AFF1: variants seen among roughly 807,000 people sequenced by gnomAD.
AFF1 encodes the protein ALF transcription elongation factor 1.
A neutral mutation model predicts 121.7 loss-of-function variants in AFF1; 48 were observed. The ratio of observed to expected loss-of-function variants is 0.39; its 90% CI spans 0.31 to 0.50. The LOEUF is 0.50. AFF1 is among the 20% of genes least tolerant of loss of function. AFF1 has a pLI of 0.76. For missense variants in AFF1, 1,523 were observed against 1,511.7 expected, an observed-to-expected ratio of 1.01 and a Z score of -0.12; for synonymous variants, 613 against 563.0, an observed-to-expected ratio of 1.09 and a Z score of -1.26.
chr4:87,036,645 T>G (rs754726173), intron 2 of AFF1: 3 of 319,582 alleles, frequency 9.4e-6, no homozygotes, highest in Non-Finnish European at 1.8e-5. Flanking sequence ...GGAAGACAAG[T>G]TCTTGTGTTT....
At chr4:86,997,828 G>A (rs1028578269) in intron 2 of AFF1, among the ~76,000 whole-genome samples, 1 of 149,934 alleles carries the variant, frequency 6.7e-6, no homozygotes, top group Non-Finnish European at 1.5e-5. Flanking sequence ...GCTGAGTGAG[G>A]CTGGGCATGG....
chr4:87,038,449 A>G (rs920572397), intron 2 of AFF1, among the ~76,000 whole-genome samples: 1 of 152,222 alleles, frequency 6.6e-6, no homozygotes, highest in Non-Finnish European at 1.5e-5. Context: ...TTTTTCATAA[A>G]GCCAATGTGT....
At chr4:87,055,644 T>C (rs1720044469) in intron 4 of AFF1, among the ~76,000 whole-genome samples, 1 of 152,214 alleles carries the variant, frequency 6.6e-6, no homozygotes, top group Non-Finnish European at 1.5e-5. Context: ...CTAGATTAAC[T>C]GTGTTTTATT....
At chr4:87,032,589 C>T (rs1419394166) in intron 2 of AFF1, among the ~76,000 whole-genome samples, 2 of 152,126 alleles carry the variant, frequency 1.3e-5, no homozygotes, top group South Asian at 4.1e-4. Context: ...TTGCTAGGAG[C>T]CTAGAAAAAA....
In AFF1 at chr4:86,966,134, TA is replaced by T. The variant is rs528848506; in HGVS notation, c.38+17565del. ...TTTCTACAGTGAGATAGTGACTTGA[TA>T]ATCTGAGAAATATGCATCTTACCCA... is the stretch of plus-strand genomic sequence containing the variant. On this transcript the variant is annotated intron_variant, in intron 2 of 20. Coordinates refer to ENST00000395146, the MANE Select transcript of AFF1 (RefSeq NM_001166693.3). Among the ~76,000 whole-genome samples the T allele has an allele frequency of 6.6e-5, 10 of 151,756 alleles. 1 individual carries two copies. The South Asian group carries it at 1.5e-3, about 22-fold the overall frequency.
intron 4 of AFF1, among the ~76,000 whole-genome samples, chr4:87,070,202 C>T (rs944743934): frequency 2.6e-5 from 4 of 152,180 alleles, no homozygotes; most frequent in African/African-American, 9.7e-5. Context: ...CGGGGTTTCA[C>T]CATGTTGGCG....
chr4:87,065,415 C>T (rs567643497), intron 4 of AFF1, among the ~76,000 whole-genome samples: 6 of 151,740 alleles, frequency 4.0e-5, no homozygotes, highest in Non-Finnish European at 8.8e-5. Flanking sequence ...GGTGGGGACA[C>T]AGCCAAATCA....
At chr4:87,075,534 C>T (rs1421757065) in intron 4 of AFF1, among the ~76,000 whole-genome samples, 1 of 152,114 alleles carries the variant, frequency 6.6e-6, no homozygotes, top group African/African-American at 2.4e-5. Context: ...AGGAAGCGTA[C>T]GTACATCCTT....
chr4:87,109,033 TG>T (rs1726207091), intron 11 of AFF1, among the ~76,000 whole-genome samples: 1 of 152,188 alleles, frequency 6.6e-6, no homozygotes, highest in Non-Finnish European at 1.5e-5. Context: ...CTAACAGGGT[TG>T]CCAAATAACC....
intron 4 of AFF1, chr4:87,049,871 G>T: frequency 2.6e-6 from 1 of 379,754 alleles, no homozygotes. Flanking sequence ...TCGTCAATCC[G>T]GGAAGTGGGG....
intron 4 of AFF1, among the ~76,000 whole-genome samples, chr4:87,071,756 C>T (rs562704347): frequency 5.3e-5 from 8 of 152,220 alleles, no homozygotes; most frequent in African/African-American, 1.4e-4. Flanking sequence ...ACTATTAGAA[C>T]GGTTGCCTTT....
intron 8 of AFF1, among the ~76,000 whole-genome samples, chr4:87,102,053 T>C (rs760434179): frequency 2.1e-5 from 3 of 142,840 alleles, no homozygotes; most frequent in Non-Finnish European, 4.6e-5. Context: ...TCTTTAAGCT[T>C]TGCTAGAACA....
intron 2 of AFF1, among the ~76,000 whole-genome samples, chr4:86,993,079 AAC>A (rs1235418040): frequency 6.6e-6 from 1 of 152,214 alleles, no homozygotes; most frequent in Non-Finnish European, 1.5e-5. Flanking sequence ...CTAGGTAGGA[AAC>A]AGAGTCCACA....
chr4:87,127,476 T>C (rs1481610736), intron 15 of AFF1, among the ~76,000 whole-genome samples, 167 bp from the exon 16 acceptor site: 1 of 152,160 alleles, frequency 6.6e-6, no homozygotes, highest in Non-Finnish European at 1.5e-5. Flanking sequence ...TCTTGCTCTT[T>C]CTTCCTCCAT....
intron 2 of AFF1, among the ~76,000 whole-genome samples, chr4:86,960,798 G>A (rs1204921323): frequency 1.3e-5 from 2 of 152,140 alleles, no homozygotes; most frequent in Admixed American, 6.5e-5. Context: ...TGGCTCCTCT[G>A]TTGCAGTCAG....
chr4:87,012,737 A>G (rs1020315227), intron 2 of AFF1, among the ~76,000 whole-genome samples: 36 of 152,332 alleles, frequency 2.4e-4, no homozygotes, highest in African/African-American at 8.4e-4. Flanking sequence ...TTCAGGAGAA[A>G]ATATGTATAA....
chr4:87,058,987 C>T (rs956980722), intron 4 of AFF1, among the ~76,000 whole-genome samples: 1 of 152,188 alleles, frequency 6.6e-6, no homozygotes, highest in Non-Finnish European at 1.5e-5. Flanking sequence ...ACACTCTCCT[C>T]CCCTGTTGTC....
chr4:86,943,204 G>A (rs1720592979), intron 1 of AFF1, among the ~76,000 whole-genome samples: 1 of 152,176 alleles, frequency 6.6e-6, no homozygotes, highest in African/African-American at 2.4e-5. Flanking sequence ...GATAGTTGGG[G>A]AAATTGTATT....
At chr4:86,995,468 C>T (rs1173558197) in intron 2 of AFF1, among the ~76,000 whole-genome samples, 2 of 151,398 alleles carry the variant, frequency 1.3e-5, no homozygotes, top group African/African-American at 4.9e-5. Flanking sequence ...CGCGCCGCCA[C>T]GCCTGACTGG....
Sources: allele counts gnomAD v4.1 joint callset (sites outside exome capture counted in the v4.1 genomes callset), GRCh38; gene constraint gnomAD v4.1.1; transcripts MANE v1.5; gene names NCBI Gene and HGNC (gene_info 2026-07-23, HGNC 2026-07-21).